The following PRR29 variants were observed in gnomAD, a reference collection of about 807,000 sequenced individuals.
PRR29 encodes the protein proline rich 29.
PRR29 carries 20 observed loss-of-function variants against 25.1 expected under a neutral mutation model. The ratio of observed to expected loss-of-function variants is 0.80; its 90% CI spans 0.56 to 1.16. The LOEUF (loss-of-function observed/expected upper bound fraction) is 1.16. PRR29 is among the 50% of genes most tolerant of loss of function. The pLI is 0.00. For missense variants in PRR29, 238 were observed against 246.6 expected (o/e 0.97, Z 0.23); for synonymous variants, 108 against 102.6 (o/e 1.05, Z -0.32).
chr17:64,002,843 G>A lies in PRR29; in HGVS notation c.*1082G>A. On this transcript the variant is annotated 3_prime_UTR_variant, in exon 6 of 6. Transcript: ENST00000412177. ...GCAAGTGCTGGCCGAAGATGAAGCA[G>A]AGCAGGACAGATGTCACGAACAGGG... The A allele has an allele frequency of 6.2e-7, 1 of 1,614,028 alleles. No homozygotes were observed. The highest frequency in any genetic ancestry group is 8.5e-7 in the Non-Finnish European group (1 of 1,180,002).
Position 63,998,767 on chromosome 17 carries a change from G to T in PRR29, c.121G>T (p.Gly41Cys). The change falls in exon 2 of 6, where the codon GGC becomes TGC. Residue 41 changes from glycine to cysteine, a missense_variant. Coordinates refer to ENST00000412177, the MANE Select transcript of PRR29 (RefSeq NM_001164257.2). Reference sequence around the variant, plus strand: ...CGTCCCACCTGCGCCCCCGCAGCCAGGCCGCGTGAAGGAAGGTGAGACTCC... The same window carrying T: ...CGTCCCACCTGCGCCCCCGCAGCCATGCCGCGTGAAGGAAGGTGAGACTCC... ...WAVPPAPPQP[G>C]RVKEDLLELM... 6.5e-7 allele frequency: 1 copy of T among 1,528,014 alleles called. No homozygotes were observed. Among genetic ancestry groups the T allele is most frequent in the South Asian group, 1.2e-5 (1 of 83,720 alleles). The allele number at this position is 1,528,014 out of a possible 1,614,324, so 94.7% of individuals were successfully genotyped here.
rs745898948 is a variant in PRR29 at position 63,999,031 on chromosome 17, T to G, written c.200T>G (p.Val67Gly). ...QMHQLLLSRL[V>G]AGALQPRPAS... ...CACCAGCTGCTGCTGAGTCGCCTGG[T>G]GGCTGGAGCGCTGCAGCCCCGGCCT... The change falls in exon 3 of 6, where the codon GTG becomes GGG. Residue 67 changes from valine to glycine, a missense_variant. Coordinates refer to ENST00000412177, the MANE Select transcript of PRR29 (RefSeq NM_001164257.2). 25 of 1,535,988 alleles carry G rather than the reference T, an allele frequency of 1.6e-5. No individual in the cohort carries two copies. The African/African-American group carries it at 3.1e-4, about 19-fold the overall frequency.
In PRR29 at chr17:64,004,149, T is replaced by C; in HGVS notation, c.*2388T>C. On this transcript the variant is annotated 3_prime_UTR_variant, in exon 6 of 6. Coordinates refer to ENST00000412177, the MANE Select transcript of PRR29 (RefSeq NM_001164257.2). ...ATGGAGGCTGGACTGTGTGGTAGTT[T>C]TACAGACATGATGGTTTCCGGTGAC... 1.7e-6 allele frequency: 1 copy of C among 574,728 alleles called. No homozygotes were observed. Among genetic ancestry groups the C allele is most frequent in the Non-Finnish European group, 3.1e-6 (1 of 323,462 alleles). The allele number at this position is 574,728 out of a possible 1,614,324, so 35.6% of individuals were successfully genotyped here.
rs1910849602 is a variant in PRR29, at chr17:64,002,583, T to C, written c.*822T>C. ...ATTGTTATCCCAGGAGGAGACACTG[T>C]GGGCACAGGGCTAAGTCCAGGTGTT... On this transcript the variant is annotated 3_prime_UTR_variant, in exon 6 of 6. Coordinates refer to ENST00000412177, the MANE Select transcript of PRR29 (RefSeq NM_001164257.2). 4.6e-6 allele frequency: 3 copies of C among 654,774 alleles called. No homozygotes were observed. Among genetic ancestry groups the C allele is most frequent in the Non-Finnish European group, 7.7e-6 (3 of 390,944 alleles). The allele number at this position is 654,774 out of a possible 1,614,324, so 40.6% of individuals were successfully genotyped here.
Position 64,003,498 on chromosome 17 carries a change from G to A in PRR29, c.*1737G>A, listed in dbSNP as rs984389126. 27 of 746,282 alleles carry A rather than the reference G, an allele frequency of 3.6e-5. No individual in the cohort carries two copies. The highest frequency in any genetic ancestry group is 4.9e-5 in the Non-Finnish European group (22 of 449,638). 46.2% of individuals were successfully genotyped at this position (746,282 alleles called of 1,614,324 possible). Reference sequence around the variant, plus strand: ...AGCTGGGGACTTGGAAAGAACTTCAGGGAAGAGGGAGAGTAAGAGGGAAGC... The same window carrying A: ...AGCTGGGGACTTGGAAAGAACTTCAAGGAAGAGGGAGAGTAAGAGGGAAGC... On this transcript the variant is annotated 3_prime_UTR_variant, in exon 6 of 6. Coordinates refer to ENST00000412177, the MANE Select transcript of PRR29 (RefSeq NM_001164257.2).
chr17:64,001,640 A>AGG, intron 5 of PRR29, 93 bp from the exon 6 acceptor site: 1 of 1,504,328 alleles, frequency 6.6e-7, no homozygotes, highest in South Asian at 1.3e-5. Context: ...TCCTAACATC[A>AGG]CTGCTGCAGG....
At chr17:64,001,390 G>A (rs1035700530) in intron 4 of PRR29, 77 bp from the exon 5 acceptor site, 18 of 1,488,226 alleles carry the variant, frequency 1.2e-5, no homozygotes, top group East Asian at 2.5e-5. Flanking sequence ...GGTGGTCGGT[G>A]GAGATAACTT....
Position 64,003,562 on chromosome 17 carries a change from A to G in PRR29, c.*1801A>G. The G allele has an allele frequency of 7.6e-7, 1 of 1,309,856 alleles. No homozygotes were observed. Among genetic ancestry groups the G allele is most frequent in the South Asian group, 1.3e-5 (1 of 74,366 alleles). The allele number at this position is 1,309,856 out of a possible 1,614,324, so 81.1% of individuals were successfully genotyped here. On this transcript the variant is annotated 3_prime_UTR_variant, in exon 6 of 6. Coordinates refer to ENST00000412177, the MANE Select transcript of PRR29 (RefSeq NM_001164257.2). The stretch of plus-strand genomic sequence containing the variant: ...GTGGGCTCCTGGGTGTTTGCTTCCC[A>G]AGTGGGACTCAAGATTTTTCTTCCC...
chr17:64,003,132 C>T lies in PRR29; in HGVS notation c.*1371C>T, dbSNP rs557034380. The T allele has an allele frequency of 7.1e-6, 4 of 561,870 alleles. No homozygotes were observed. In the East Asian group the frequency reaches 1.2e-4, roughly 16 times the overall value. 34.8% of individuals were successfully genotyped at this position (561,870 alleles called of 1,614,324 possible). A position where few individuals can be genotyped will look rare whatever the true frequency, so the allele number is the denominator to read the frequency against. ...GAAAAAAGGTGGCCCAGGGCTCAGG[C>T]TACCAGCTGGACTTCTGTGTGGCTG... On this transcript the variant is annotated 3_prime_UTR_variant, in exon 6 of 6. Transcript: ENST00000412177.
At position 64,002,791 on chromosome 17, in the gene PRR29, C is replaced by A. The variant is rs1274606891; in HGVS notation, c.*1030C>A. ...GGCAGCCTCCTCCAAGCCGCTCGCA[C>A]CCCGTAGGTGCCCATCCGCTGCTGG... On this transcript the variant is annotated 3_prime_UTR_variant, in exon 6 of 6. Coordinates refer to ENST00000412177, the MANE Select transcript of PRR29 (RefSeq NM_001164257.2). The A allele has an allele frequency of 1.2e-6, 2 of 1,613,546 alleles. No homozygotes were observed. The highest frequency in any genetic ancestry group is 3.3e-5 in the Admixed American group (2 of 60,022).
At position 64,002,752 on chromosome 17, in the gene PRR29, G is replaced by T; in HGVS notation, c.*991G>T. ...GGCCATGCCACTCATGGTTGCTATG[G>T]CCGGAAGGCCTGGGGCAGCCTCCTC... On this transcript the variant is annotated 3_prime_UTR_variant, in exon 6 of 6. Transcript: ENST00000412177. 6.2e-7 allele frequency: 1 copy of T among 1,611,066 alleles called. No homozygotes were observed. Among genetic ancestry groups the T allele is most frequent in the Non-Finnish European group, 8.5e-7 (1 of 1,179,614 alleles).
chr17:64,003,857 T>A lies in PRR29; in HGVS notation c.*2096T>A. On this transcript the variant is annotated 3_prime_UTR_variant, in exon 6 of 6. Transcript: ENST00000412177. The stretch of plus-strand genomic sequence containing the variant: ...TCATTGCCACGGAACAGGAAGAGGG[T>A]GAGGCTGTCCAGGGGCTCCACGGTG... 1 of 1,613,984 alleles carries A rather than the reference T, an allele frequency of 6.2e-7. No individual in the cohort carries two copies. The highest frequency in any genetic ancestry group is 2.2e-5 in the East Asian group (1 of 44,870).
intron 3 of PRR29, among the ~76,000 whole-genome samples, chr17:64,000,420 C>T (rs1032043111): frequency 3.9e-5 from 6 of 152,178 alleles, no homozygotes; most frequent in African/African-American, 1.4e-4. Flanking sequence ...ACTTCCACCT[C>T]CTGGGTTCAA....
Position 64,002,685 on chromosome 17 carries a change from C to G in PRR29, c.*924C>G. 6.7e-7 allele frequency: 1 copy of G among 1,490,620 alleles called. No individual in the cohort carries two copies. Among genetic ancestry groups the G allele is most frequent in the Non-Finnish European group, 9.2e-7 (1 of 1,087,020 alleles). The allele number at this position is 1,490,620 out of a possible 1,614,324, so 92.3% of individuals were successfully genotyped here. A position where few individuals can be genotyped will look rare whatever the true frequency, so the allele number is the denominator to read the frequency against. ...TCCTTCAGCCAGGGCTGGACCTCAACCCTGAGGAGTCACACTGAGTTCCAG... is the reference window on the plus strand; with the variant it reads ...TCCTTCAGCCAGGGCTGGACCTCAAGCCTGAGGAGTCACACTGAGTTCCAG... On this transcript the variant is annotated 3_prime_UTR_variant, in exon 6 of 6. Transcript: ENST00000412177.
rs1170906918 is a variant in PRR29 at position 63,998,370 on chromosome 17, C to A, written c.6C>A (p.Ala2=). 32 of 1,529,130 alleles carry A rather than the reference C, an allele frequency of 2.1e-5. No individual in the cohort carries two copies. Among genetic ancestry groups the A allele is most frequent in the Non-Finnish European group, 2.6e-5 (30 of 1,143,552 alleles). 94.7% of individuals were successfully genotyped at this position (1,529,130 alleles called of 1,614,324 possible). M[A]SGAGGSWGRS... ...CAAGGCAACCGGCGCCAGCCATGGC[C>A]TCTGGGGCGGGCGGAAGCTGGGGTC... The change falls in exon 1 of 6, where the codon GCC becomes GCA. Residue 2 remains alanine (A), a synonymous_variant. Coordinates refer to ENST00000412177, the MANE Select transcript of PRR29 (RefSeq NM_001164257.2).
Position 64,004,208 on chromosome 17 carries a change from A to G in PRR29, c.*2447A>G. The G allele has an allele frequency of 1.9e-6, 1 of 514,396 alleles. No individual in the cohort carries two copies. Among genetic ancestry groups the G allele is most frequent in the Non-Finnish European group, 3.5e-6 (1 of 289,656 alleles). 31.9% of individuals were successfully genotyped at this position (514,396 alleles called of 1,614,324 possible). ...TACAAGGACAAGGTTCAGAAATTGT[A>G]CAGCCAACTGGAAAGATATAAAAGT... On this transcript the variant is annotated 3_prime_UTR_variant, in exon 6 of 6. Transcript: ENST00000412177.
At position 63,998,688 on chromosome 17, in the gene PRR29, A is replaced by G. The variant is rs1425476214; in HGVS notation, c.61-19A>G. On this transcript the variant is annotated intron_variant, in intron 1 of 5. Coordinates refer to ENST00000412177, the MANE Select transcript of PRR29 (RefSeq NM_001164257.2). ...CCATTCCCCCCACCCCACCTGGCTGACTCCGCGCACACCCCCAGCCCTGGG... is the reference window on the plus strand; with the variant it reads ...CCATTCCCCCCACCCCACCTGGCTGGCTCCGCGCACACCCCCAGCCCTGGG... The G allele has an allele frequency of 1.4e-6, 2 of 1,438,874 alleles. No individual in the cohort carries two copies. Among genetic ancestry groups the G allele is most frequent in the East Asian group, 2.5e-5 (1 of 39,908 alleles). The allele number at this position is 1,438,874 out of a possible 1,614,324, so 89.1% of individuals were successfully genotyped here. A position where few individuals can be genotyped will look rare whatever the true frequency, so the allele number is the denominator to read the frequency against.
Position 64,002,924 on chromosome 17 carries a change from C to A in PRR29, c.*1163C>A, listed in dbSNP as rs755716381. On this transcript the variant is annotated 3_prime_UTR_variant, in exon 6 of 6. Transcript: ENST00000412177. ...TGACCATCTGGCTGTCCGACACAGG[C>A]TCTGGGGAGGGAGGGGGCAAGGGTC... is the stretch of plus-strand genomic sequence containing the variant. 2 of 1,612,150 alleles carry A rather than the reference C, an allele frequency of 1.2e-6. No homozygotes were observed. The highest frequency in any genetic ancestry group is 2.7e-5 in the African/African-American group (2 of 74,700).
intron 1 of PRR29, 38 bp downstream of exon 1, chr17:63,998,462 TG>T: frequency 6.9e-7 from 1 of 1,452,534 alleles, no homozygotes; most frequent in Non-Finnish European, 9.1e-7. Flanking sequence ...TGCCTTAGCT[TG>T]GGAGACGGCA....
Sources: gnomAD v4.1 joint callset for allele counts (sites outside exome capture counted in the v4.1 genomes callset) on GRCh38, gnomAD v4.1.1 for gene constraint, MANE v1.5 for transcripts, NCBI Gene and HGNC (gene_info 2026-07-23, HGNC 2026-07-21) for gene names.